The following LTBP1 variants were observed in gnomAD, a reference collection of about 807,000 sequenced individuals.
LTBP1 encodes the protein latent-transforming growth factor beta-binding protein 1.
In LTBP1, 129 loss-of-function variants were observed where a neutral mutation model predicts 207.6. That is an observed-to-expected ratio of 0.62 (90% CI 0.54 to 0.72). LTBP1 has a LOEUF of 0.72. LTBP1 is among the 30% of genes least tolerant of loss of function. The pLI, the probability that LTBP1 is intolerant of heterozygous loss-of-function variation, is 0.00. For missense variants in LTBP1, 2,281 were observed against 2,217.2 expected (o/e 1.03, Z -0.58); for synonymous variants, 963 against 833.7 (o/e 1.16, Z -2.67).
At chr2:33,007,943 G>T (rs953414720) in intron 2 of LTBP1, among the ~76,000 whole-genome samples, 5 of 152,200 alleles carry the variant, frequency 3.3e-5, no homozygotes, top group Non-Finnish European at 5.9e-5. Context: ...TGTTGAGCTG[G>T]GGCTTGGTTT....
intron 2 of LTBP1, among the ~76,000 whole-genome samples, chr2:33,007,683 A>G (rs1277860732): frequency 2.0e-5 from 3 of 152,200 alleles, no homozygotes; most frequent in South Asian, 2.1e-4. Flanking sequence ...ATTCTATCCC[A>G]TATACAAATG....
At chr2:33,160,386 G>T (rs1012559197) in intron 5 of LTBP1, among the ~76,000 whole-genome samples, 1 of 152,288 alleles carries the variant, frequency 6.6e-6, no homozygotes, top group Admixed American at 6.5e-5. Context: ...GGTCATTCAT[G>T]TGGTTAGAGC....
At chr2:33,250,238 G>A (rs182215460) in intron 10 of LTBP1, among the ~76,000 whole-genome samples, 15 of 152,296 alleles carry the variant, frequency 9.8e-5, no homozygotes, top group African/African-American at 3.4e-4. Flanking sequence ...ACCCTGTCAG[G>A]TATATGTGGC....
At chr2:33,318,899 A>G (rs1329589017) in intron 24 of LTBP1, among the ~76,000 whole-genome samples, 2 of 152,196 alleles carry the variant, frequency 1.3e-5, no homozygotes, top group Non-Finnish European at 2.9e-5. Flanking sequence ...CTCATCATCA[A>G]GCCTGGGCAA....
chr2:32,949,000 T>A, intron 2 of LTBP1, 55 bp downstream of exon 2: 1 of 1,558,582 alleles, frequency 6.4e-7, no homozygotes, highest in Non-Finnish European at 8.9e-7. Flanking sequence ...GGGGGAGGTG[T>A]CCACATGGGG....
At chr2:33,022,278 T>C (rs2075212730) in intron 3 of LTBP1, among the ~76,000 whole-genome samples, 1 of 150,280 alleles carries the variant, frequency 6.7e-6, no homozygotes, top group Admixed American at 6.6e-5. Flanking sequence ...TTTTTTTTTT[T>C]TTTCTGTTTT....
chr2:33,338,541 A>T (rs1400621506), intron 24 of LTBP1, among the ~76,000 whole-genome samples: 1 of 152,170 alleles, frequency 6.6e-6, no homozygotes, highest in Non-Finnish European at 1.5e-5. Context: ...CACCCTGAGA[A>T]GGAGCCCTCG....
At chr2:33,019,639 G>A (rs543293482) in intron 2 of LTBP1, among the ~76,000 whole-genome samples, 6 of 149,108 alleles carry the variant, frequency 4.0e-5, no homozygotes, top group South Asian at 4.3e-4. Flanking sequence ...CCAGCCAGTA[G>A]CATCTAAACT....
At chr2:33,272,977 T>G (rs817531) in intron 15 of LTBP1, among the ~76,000 whole-genome samples, 112,257 of 151,996 alleles carry the variant, frequency 0.74, 42,013 homozygotes, top group Non-Finnish European at 0.79. Flanking sequence ...ACAGGATATA[T>G]AGAAGAAGCC....
chr2:33,177,362 A>G (rs2086169047), intron 5 of LTBP1, among the ~76,000 whole-genome samples: 1 of 152,236 alleles, frequency 6.6e-6, no homozygotes, highest in South Asian at 2.1e-4. Flanking sequence ...TAAAAAATGC[A>G]GACAAGGCTG....
intron 24 of LTBP1, 61 bp from the exon 25 acceptor site, chr2:33,342,777 A>G: frequency 6.3e-7 from 1 of 1,579,664 alleles, no homozygotes; most frequent in Non-Finnish European, 8.6e-7. Flanking sequence ...TTATCCATTA[A>G]TATCTGGTGT....
At chr2:33,251,578 T>A (rs1011209811) in intron 10 of LTBP1, among the ~76,000 whole-genome samples, 1 of 143,060 alleles carries the variant, frequency 7.0e-6, no homozygotes, top group African/African-American at 2.7e-5. Context: ...GGCAGGAGAA[T>A]GGCGTGAACC....
At chr2:33,228,911 G>A (rs2091623141) in intron 9 of LTBP1, among the ~76,000 whole-genome samples, 1 of 151,678 alleles carries the variant, frequency 6.6e-6, no homozygotes, top group African/African-American at 2.4e-5. Context: ...ATGTTTGCCA[G>A]GATGGTTTTG....
rs1328990189 is a variant in LTBP1 at position 33,118,193 on chromosome 2, AAAAAAAAAAAC to A, written c.1033+7456_1033+7466del. Among the ~76,000 whole-genome samples the A allele has an allele frequency of 5.1e-4, 76 of 149,366 alleles. 1 individual carries two copies. The highest frequency in any genetic ancestry group is 9.1e-4 in the Non-Finnish European group (61 of 67,156). ...GAGACTACCTTTAACTTGTGTGCAA[AAAAAAAAAAAC>A]AAAAAAAAAACAACAAAAAAAACTG... On this transcript the variant is annotated intron_variant, in intron 4 of 33. Coordinates refer to ENST00000404816, the MANE Select transcript of LTBP1 (RefSeq NM_206943.4).
At chr2:33,251,701 T>C (rs138323940) in intron 10 of LTBP1, among the ~76,000 whole-genome samples, 3,549 of 145,908 alleles carry the variant, frequency 0.024, 70 homozygotes, top group Non-Finnish European at 0.038. Flanking sequence ...GCTAGAGGAA[T>C]TGGGTAAGGG....
chr2:33,089,381 T>C (rs141163337), intron 3 of LTBP1, among the ~76,000 whole-genome samples: 213 of 152,280 alleles, frequency 1.4e-3, no homozygotes, highest in African/African-American at 5.1e-3. Flanking sequence ...TCAGCGATAC[T>C]TGAGTAGGGT....
chr2:33,142,573 T>G (rs946770534), intron 5 of LTBP1, among the ~76,000 whole-genome samples: 1 of 152,026 alleles, frequency 6.6e-6, no homozygotes, highest in Non-Finnish European at 1.5e-5. Context: ...TAGGTTGACC[T>G]TAAGAGCCAG....
intron 9 of LTBP1, among the ~76,000 whole-genome samples, chr2:33,223,061 ATCCT>A (rs995012142): frequency 6.6e-6 from 1 of 152,192 alleles, no homozygotes; most frequent in African/African-American, 2.4e-5. Flanking sequence ...GAGGCTCTGT[ATCCT>A]TCACCACCAT....
At chr2:33,226,801 T>C (rs1489049514) in intron 9 of LTBP1, among the ~76,000 whole-genome samples, 1 of 152,176 alleles carries the variant, frequency 6.6e-6, no homozygotes, top group East Asian at 1.9e-4. Context: ...TGGCCCTCAG[T>C]TGGTTCTGGC....
Sources: allele counts gnomAD v4.1 joint callset (sites outside exome capture counted in the v4.1 genomes callset), GRCh38; gene constraint gnomAD v4.1.1; transcripts MANE v1.5; gene names NCBI Gene and HGNC (gene_info 2026-07-23, HGNC 2026-07-21).